Variants in DCC observed in about 807,000 individuals in gnomAD.
DCC encodes netrin receptor DCC.
DCC carries 58 observed loss-of-function variants against 172.5 expected under a neutral mutation model. The observed-to-expected ratio is 0.34, with a 90% confidence interval of 0.27 to 0.42. The LOEUF (loss-of-function observed/expected upper bound fraction) is 0.42. Ranked by LOEUF, DCC falls within the 10% of genes least tolerant of loss-of-function variation. DCC has a pLI of 1.00. For synonymous variants in DCC, 709 were observed against 644.5 expected (o/e 1.10, Z -1.52); for missense variants, 1,740 against 1,791.0 (o/e 0.97, Z 0.51).
chr18:53,468,092 G>T, intron 25 of DCC, 82 bp downstream of exon 25: 1 of 800,704 alleles, frequency 1.2e-6, no homozygotes, highest in Non-Finnish European at 2.2e-6. Flanking sequence ...ATTATCAAAA[G>T]TAATTATAAT....
At chr18:53,360,292 T>G (rs939194206) in intron 15 of DCC, among the ~76,000 whole-genome samples, 4 of 152,142 alleles carry the variant, frequency 2.6e-5, no homozygotes, top group Admixed American at 2.0e-4. Context: ...TAGAATAGAG[T>G]TGATTACTTC....
Position 53,203,236 on chromosome 18 carries a change from CGT to C in DCC, c.1574-1969_1574-1968del, listed in dbSNP as rs1223592248. On this transcript the variant is annotated intron_variant, in intron 9 of 28. Transcript: ENST00000442544. ...GTGTGTGTGTGTGTGTGTGTGTGTG[CGT>C]GTGTGTGTGTATGTAATTATACAGA... is the stretch of plus-strand genomic sequence containing the variant. Among the ~76,000 whole-genome samples the C allele has an allele frequency of 2.0e-4, 23 of 117,366 alleles. No homozygotes were observed. In the South Asian group the frequency reaches 5.9e-3, roughly 30 times the overall value. 77.0% of individuals were successfully genotyped at this position (117,366 alleles called of 152,430 possible). A position where few individuals can be genotyped will look rare whatever the true frequency, so the allele number is the denominator to read the frequency against.
At chr18:52,957,093 ACAAT>A in intron 5 of DCC, among the ~76,000 whole-genome samples, 1 of 152,194 alleles carries the variant, frequency 6.6e-6, no homozygotes. Context: ...GATAGAAAGA[ACAAT>A]CAAATGGTGA....
intron 15 of DCC, among the ~76,000 whole-genome samples, chr18:53,374,827 A>G (rs1298991862): frequency 1.3e-5 from 2 of 152,334 alleles, no homozygotes; most frequent in Non-Finnish European, 2.9e-5. Context: ...ATGTTGGTTA[A>G]TATTTATTAC....
Position 53,109,566 on chromosome 18 carries a change from TTCCC to T in DCC, c.1261+43420_1261+43423del, listed in dbSNP as rs577731790. Among the ~76,000 whole-genome samples, 335 of 150,422 alleles carry T rather than the reference TTCCC, an allele frequency of 2.2e-3. 1 individual carries two copies. The highest frequency in any genetic ancestry group is 6.6e-3 in the South Asian group (31 of 4,724). On this transcript the variant is annotated intron_variant, in intron 7 of 28. Transcript: ENST00000442544. Reference sequence around the variant, plus strand: ...TTTCTTTCTCCTCTTCCTTCATTCCTTCCCTCCCTCCCTCCCTCCCTCCTTCCTT... The same window carrying T: ...TTTCTTTCTCCTCTTCCTTCATTCCTTCCCTCCCTCCCTCCCTCCTTCCTT...
intron 7 of DCC, among the ~76,000 whole-genome samples, chr18:53,077,069 A>G (rs886107985): frequency 8.7e-5 from 13 of 149,366 alleles, no homozygotes; most frequent in Middle Eastern, 3.4e-3. Flanking sequence ...TCTGGTGTTT[A>G]CAGGGGATTC....
chr18:52,983,168 A>G (rs2041237632), intron 5 of DCC, among the ~76,000 whole-genome samples: 1 of 152,164 alleles, frequency 6.6e-6, no homozygotes, highest in South Asian at 2.1e-4. Context: ...TGAAGGGGCA[A>G]TTTGCCCTCT....
At chr18:53,450,120 G>GATATAT (rs59116255) in intron 22 of DCC, among the ~76,000 whole-genome samples, 78 of 147,274 alleles carry the variant, frequency 5.3e-4, no homozygotes, top group East Asian at 2.3e-3. Flanking sequence ...ATCATAGGGG[G>GATATAT]ATATATATAT....
intron 7 of DCC, among the ~76,000 whole-genome samples, chr18:53,114,714 G>A (rs2043386255): frequency 6.6e-6 from 1 of 151,570 alleles, no homozygotes; most frequent in South Asian, 2.1e-4. Flanking sequence ...CTCCTACACA[G>A]AATAACTGAG....
intron 25 of DCC, among the ~76,000 whole-genome samples, chr18:53,474,617 G>A (rs951761880): frequency 2.4e-4 from 36 of 152,224 alleles, no homozygotes; most frequent in East Asian, 7.7e-4. Flanking sequence ...CATGTGAGAC[G>A]TGCCTTTCAC....
intron 5 of DCC, among the ~76,000 whole-genome samples, chr18:52,945,665 G>C (rs2040532390): frequency 6.6e-6 from 1 of 152,190 alleles, no homozygotes; most frequent in African/African-American, 2.4e-5. Context: ...GGCTTAGAGA[G>C]CTGAGCTGAA....
chr18:52,456,164 C>T (rs902096694), intron 1 of DCC, among the ~76,000 whole-genome samples: 3 of 151,996 alleles, frequency 2.0e-5, no homozygotes, highest in African/African-American at 7.3e-5. Flanking sequence ...TGTAGGTGTC[C>T]ATTTATGAAA....
At chr18:53,078,711 T>C (rs908659035) in intron 7 of DCC, among the ~76,000 whole-genome samples, 2 of 150,648 alleles carry the variant, frequency 1.3e-5, no homozygotes, top group Admixed American at 6.9e-5. Flanking sequence ...AATGCACAGC[T>C]GTCTTTGTTA....
intron 1 of DCC, among the ~76,000 whole-genome samples, chr18:52,700,397 GCACACA>G (rs1328234442): frequency 6.7e-6 from 1 of 148,622 alleles, no homozygotes; most frequent in Non-Finnish European, 1.5e-5. Flanking sequence ...TCATGCACAT[GCACACA>G]CACACGCACA....
At chr18:53,264,860 C>A (rs182950950) in intron 12 of DCC, among the ~76,000 whole-genome samples, 5 of 152,188 alleles carry the variant, frequency 3.3e-5, no homozygotes, top group African/African-American at 1.2e-4. Context: ...ATCCTGAAAA[C>A]AAATGTAGCT....
intron 15 of DCC, among the ~76,000 whole-genome samples, chr18:53,371,734 A>G (rs983361872): frequency 6.6e-6 from 1 of 152,034 alleles, no homozygotes; most frequent in Non-Finnish European, 1.5e-5. Context: ...TTAAAATATT[A>G]TATCAACTAT....
At chr18:52,704,578 T>C (rs1398258680) in intron 1 of DCC, among the ~76,000 whole-genome samples, 3 of 152,244 alleles carry the variant, frequency 2.0e-5, no homozygotes, top group Non-Finnish European at 4.4e-5. Context: ...TAGCTTTGTT[T>C]GAAGCACTGT....
chr18:53,423,337 G>A (rs570592911), intron 21 of DCC, among the ~76,000 whole-genome samples: 1 of 152,044 alleles, frequency 6.6e-6, no homozygotes, highest in Non-Finnish European at 1.5e-5. Context: ...AGATTCTGCC[G>A]CTTCAATTTT....
intron 15 of DCC, among the ~76,000 whole-genome samples, chr18:53,340,492 C>T (rs79872086): frequency 6.6e-6 from 1 of 152,222 alleles, no homozygotes; most frequent in East Asian, 1.9e-4. Context: ...CTGCATGTTT[C>T]CCTGCCCCTA....
Sources: gnomAD v4.1 joint callset for allele counts (sites outside exome capture counted in the v4.1 genomes callset) on GRCh38, gnomAD v4.1.1 for gene constraint, MANE v1.5 for transcripts, NCBI Gene and HGNC (gene_info 2026-07-23, HGNC 2026-07-21) for gene names.